The following ANKRD36 variants were observed in gnomAD, a reference collection of about 807,000 sequenced individuals.
ANKRD36 encodes the protein ankyrin repeat domain 36.
In ANKRD36, 179 loss-of-function variants were observed where a neutral mutation model predicts 278.1. The ratio of observed to expected loss-of-function variants is 0.64; its 90% CI spans 0.57 to 0.73. The LOEUF is 0.73. Ranked by LOEUF, ANKRD36 falls within the 30% of genes least tolerant of loss-of-function variation. The pLI is 0.00. For synonymous variants in ANKRD36, 320 were observed against 641.1 expected, an observed-to-expected ratio of 0.50 and a Z score of 7.57; for missense variants, 1,159 against 1,956.7, an observed-to-expected ratio of 0.59 and a Z score of 7.69.
rs758521651 is a variant in ANKRD36 at position 97,118,086 on chromosome 2, G to A, written c.220G>A (p.Ala74Thr). Residue 74 changes from alanine (A) to threonine (T), a missense_variant, in exon 2 of 76, where the codon GCC (alanine) becomes ACC (threonine). By Grantham distance (58) the Ala-to-Thr change is moderately conservative. Coordinates refer to ENST00000420699, the MANE Select transcript of ANKRD36 (RefSeq NM_001354587.1). ...KERTALHLACATGQPEMVHLL... is the reference protein window; with the variant it reads ...KERTALHLACTTGQPEMVHLL... ...CAGGACCGCCCTACATTTGGCCTGT[G>A]CCACTGGCCAACCGGAAATGGTACA... The A allele has an allele frequency of 1.9e-6, 3 of 1,555,654 alleles. No homozygotes were observed. The highest frequency in any genetic ancestry group is 3.9e-5 in the Admixed American group (2 of 51,514).
intron 6 of ANKRD36, among the ~76,000 whole-genome samples, chr2:97,133,675 T>C (rs927992887): frequency 6.6e-6 from 1 of 152,010 alleles, no homozygotes; most frequent in African/African-American, 2.4e-5. Flanking sequence ...TGTTTCAAAT[T>C]GAGTACATAT....
chr2:97,145,691 ATT>A (rs1439343798), intron 10 of ANKRD36, among the ~76,000 whole-genome samples: 1 of 151,968 alleles, frequency 6.6e-6, no homozygotes, highest in East Asian at 1.9e-4. Context: ...AAATTTGATA[ATT>A]TTTTATACAT....
At chr2:97,174,613 T>G (rs1480965514) in intron 22 of ANKRD36, among the ~76,000 whole-genome samples, 2 of 151,790 alleles carry the variant, frequency 1.3e-5, no homozygotes, top group Non-Finnish European at 2.9e-5. Context: ...TGAATACCCT[T>G]TATTTCCTTC....
intron 6 of ANKRD36, among the ~76,000 whole-genome samples, chr2:97,131,570 G>T (rs1264481794): frequency 2.0e-5 from 3 of 151,984 alleles, no homozygotes; most frequent in Admixed American, 2.0e-4. Context: ...CACTGTTTGG[G>T]AGCCGAAGTG....
At chr2:97,197,533 T>A (rs2060114407) in intron 42 of ANKRD36, among the ~76,000 whole-genome samples, 1 of 151,892 alleles carries the variant, frequency 6.6e-6, no homozygotes, top group Admixed American at 6.6e-5. Flanking sequence ...ATTAGTTTCC[T>A]TGTTCAAGGA....
intron 58 of ANKRD36, 39 bp downstream of exon 58, chr2:97,211,780 G>A (rs1362382088): frequency 6.5e-7 from 1 of 1,540,276 alleles, no homozygotes; most frequent in Non-Finnish European, 8.8e-7. Context: ...GTTCGGTCAG[G>A]GTAGAAGAGA....
At chr2:97,187,945 A>G (rs1282828190) in intron 32 of ANKRD36, among the ~76,000 whole-genome samples, 2 of 151,726 alleles carry the variant, frequency 1.3e-5, no homozygotes, top group African/African-American at 4.8e-5. Flanking sequence ...AATCTGAGTG[A>G]ACTCACTTCA....
At chr2:97,196,865 G>C in intron 42 of ANKRD36, 77 bp downstream of exon 42, 1 of 1,532,516 alleles carries the variant, frequency 6.5e-7, no homozygotes, top group Non-Finnish European at 8.8e-7. Flanking sequence ...AAATCAGCGG[G>C]GGGCTCATCG....
intron 6 of ANKRD36, among the ~76,000 whole-genome samples, chr2:97,131,985 C>A (rs1270833561): frequency 2.6e-5 from 4 of 151,864 alleles, no homozygotes; most frequent in Admixed American, 2.0e-4. Context: ...TGCACCACCA[C>A]GCCCAGCTAA....
At chr2:97,197,613 C>A (rs184370225) in intron 42 of ANKRD36, among the ~76,000 whole-genome samples, 72 of 152,028 alleles carry the variant, frequency 4.7e-4, no homozygotes, top group African/African-American at 1.7e-3. Context: ...CCCAACAAGC[C>A]TATTTTAGAA....
At chr2:97,200,428 T>G in intron 45 of ANKRD36, 25 bp from the exon 46 acceptor site, 2 of 1,599,772 alleles carry the variant, frequency 1.3e-6, no homozygotes, top group East Asian at 2.3e-5. Flanking sequence ...ACCTTATTTA[T>G]TACTTTGTTT....
At chr2:97,172,005 G>C (rs201270162) in intron 22 of ANKRD36, among the ~76,000 whole-genome samples, 1 of 124,070 alleles carries the variant, frequency 8.1e-6, no homozygotes, top group East Asian at 2.5e-4. Context: ...GAAAGTAAGT[G>C]GTCATGCTTT....
At position 97,136,821 on chromosome 2, in the gene ANKRD36, T is replaced by C. The variant is rs1446188204; in HGVS notation, c.800-5819T>C. On this transcript the variant is annotated intron_variant, in intron 6 of 75. Transcript: ENST00000420699. ...GTTCTTTGACAATGCCTGCTCATTA[T>C]ATTGATTCTACTAATGATGCCATTT... 2.6e-5 allele frequency among the ~76,000 whole-genome samples: 4 copies of C among 152,176 alleles called. No homozygotes were observed. In the South Asian group the frequency reaches 6.3e-4, roughly 24 times the overall value.
chr2:97,163,672 T>C (rs2049794737), intron 18 of ANKRD36: 1 of 184,976 alleles, frequency 5.4e-6, no homozygotes, highest in African/African-American at 2.4e-5. Flanking sequence ...GCCTCCCGGG[T>C]TCACGCCATT....
At chr2:97,194,632 A>C in intron 38 of ANKRD36, 94 bp from the exon 39 acceptor site, 2 of 1,577,654 alleles carry the variant, frequency 1.3e-6, no homozygotes, top group Non-Finnish European at 1.7e-6. Flanking sequence ...TAATACAGGC[A>C]GGAGGACAGA....
chr2:97,118,347 G>A lies in ANKRD36; in HGVS notation c.316G>A (p.Val106Ile). 1 of 1,610,682 alleles carries A rather than the reference G, an allele frequency of 6.2e-7. No homozygotes were observed. Reference sequence around the variant, plus strand: ...TTTCTCGGTCTAATACTGACAGGCTGTACAACTGAGGCAGGAGGCTTGTGC... The same window carrying A: ...TTTCTCGGTCTAATACTGACAGGCTATACAACTGAGGCAGGAGGCTTGTGC... ...REDRTPLIKA[V>I]QLRQEACATL... Residue 106 changes from valine (V) to isoleucine (I), a missense_variant, in exon 3 of 76, where the codon GTA (valine) becomes ATA (isoleucine). Physicochemically the swap from Val to Ile is conservative, Grantham distance 29. Transcript: ENST00000420699.
intron 58 of ANKRD36, 48 bp downstream of exon 58, chr2:97,211,789 G>T: frequency 6.6e-7 from 1 of 1,525,980 alleles, no homozygotes; most frequent in Non-Finnish European, 8.9e-7. Flanking sequence ...GGGTAGAAGA[G>T]AACTTCTCTT....
In ANKRD36 at chr2:97,154,684, C is replaced by G. The variant is rs777115538; in HGVS notation, c.1203C>G (p.Tyr401Ter). The change falls in exon 15 of 76, where the codon TAC becomes TAG. Residue 401 changes from tyrosine to a stop codon, truncating the protein, a stop_gained. Transcript: ENST00000420699. LOFTEE classifies it high-confidence loss of function. ...PVEEAVDRCL[Y>*]LLDRFAQPVT... ...TCTTTTTGCTCTGTAGGTGTCTCTA[C>G]CTACTGGACCGTTTTGCACAGCCTG... The G allele has an allele frequency of 4.0e-6, 6 of 1,486,300 alleles. 2 individuals are homozygous for G. The highest frequency in any genetic ancestry group is 5.4e-6 in the Non-Finnish European group (6 of 1,105,610). The allele number at this position is 1,486,300 out of a possible 1,614,324, so 92.1% of individuals were successfully genotyped here.
chr2:97,204,850 C>T (rs994057508), intron 50 of ANKRD36, among the ~76,000 whole-genome samples: 2 of 151,506 alleles, frequency 1.3e-5, no homozygotes, highest in African/African-American at 2.4e-5. Context: ...ATTTTCGCTG[C>T]TCCAGCAACT....
Sources: gnomAD v4.1 joint callset for allele counts (sites outside exome capture counted in the v4.1 genomes callset) on GRCh38, gnomAD v4.1.1 for gene constraint, MANE v1.5 for transcripts, NCBI Gene and HGNC (gene_info 2026-07-23, HGNC 2026-07-21) for gene names.